Variants in ZNF385D observed in about 807,000 individuals in gnomAD.
The protein encoded by ZNF385D is zinc finger protein 659.
Under a neutral mutation model 35.8 loss-of-function variants are expected in ZNF385D, and 15 were observed. The observed-to-expected ratio is 0.42, with a 90% CI of 0.28 to 0.64. ZNF385D has a LOEUF of 0.64. ZNF385D is among the 30% of genes least tolerant of loss of function. The pLI is 0.23. For synonymous variants in ZNF385D, 212 were observed against 186.8 expected, an observed-to-expected ratio of 1.13 and a Z score of -1.10; for missense variants, 474 against 494.6, an observed-to-expected ratio of 0.96 and a Z score of 0.39.
intron 3 of ZNF385D, chr3:21,877,720 T>C (rs1575822501): frequency 1.3e-5 from 2 of 151,964 alleles, no homozygotes; most frequent in South Asian, 2.1e-4. Context: ...GCTGATAGAA[T>C]TGGGATTTGT....
intron 3 of ZNF385D, among the ~76,000 whole-genome samples, chr3:22,100,747 T>C (rs1228190818): frequency 6.6e-6 from 1 of 151,474 alleles, no homozygotes; most frequent in East Asian, 1.9e-4. Flanking sequence ...GACGAGTTAG[T>C]GGGTGTAGCG....
chr3:21,547,079 C>T (rs768746066), intron 3 of ZNF385D, among the ~76,000 whole-genome samples: 42 of 152,090 alleles, frequency 2.8e-4, no homozygotes, highest in African/African-American at 1.0e-3. Flanking sequence ...AACCCTGGGA[C>T]TCCTTTGAAA....
rs1700502740 is a variant in ZNF385D, at chr3:21,412,264, T to G, written c.*8950A>C. On this transcript the variant is annotated 3_prime_UTR_variant, in exon 8 of 8. Coordinates refer to ENST00000281523, the MANE Select transcript of ZNF385D (RefSeq NM_024697.3). ...ACTTTTTTTCTTTAATCAGCACATT[T>G]CTTTTGATAAATAGTCATGAGACGT... The G allele has an allele frequency of 6.6e-6, 1 of 152,080 alleles. No individual in the cohort carries two copies. The highest frequency in any genetic ancestry group is 1.5e-5 in the Non-Finnish European group (1 of 67,960). 9.4% of individuals were successfully genotyped at this position (152,080 alleles called of 1,614,324 possible).
intron 2 of ZNF385D, among the ~76,000 whole-genome samples, chr3:22,319,469 T>C (rs927996144): frequency 6.6e-6 from 1 of 152,026 alleles, no homozygotes; most frequent in Non-Finnish European, 1.5e-5. Context: ...AGAAAGAAAA[T>C]TCAGTACTGG....
intron 2 of ZNF385D, among the ~76,000 whole-genome samples, chr3:21,626,681 T>C (rs2065143368): frequency 6.6e-6 from 1 of 152,110 alleles, no homozygotes; most frequent in South Asian, 2.1e-4. Context: ...CTATCATCTT[T>C]GGTTGAGATG....
chr3:21,821,917 C>T (rs954842235), intron 3 of ZNF385D, among the ~76,000 whole-genome samples: 2 of 144,330 alleles, frequency 1.4e-5, no homozygotes, highest in Admixed American at 1.4e-4. Flanking sequence ...AGTGAGCCAT[C>T]ATCACGCCAC....
At chr3:22,304,955 C>G (rs1047947772) in intron 2 of ZNF385D, among the ~76,000 whole-genome samples, 22 of 151,936 alleles carry the variant, frequency 1.4e-4, no homozygotes, top group African/African-American at 4.6e-4. Flanking sequence ...GTGCTTAGTA[C>G]AGTATTATTT....
intron 1 of ZNF385D, among the ~76,000 whole-genome samples, chr3:21,719,910 ACTCT>A (rs1271357811): frequency 1.3e-5 from 2 of 152,024 alleles, no homozygotes; most frequent in African/African-American, 4.8e-5. Flanking sequence ...AATCAGGAGA[ACTCT>A]CTCTCTCATA....
chr3:21,981,839 T>A lies in ZNF385D; in HGVS notation c.325+186978A>T, dbSNP rs533947381. On this transcript the variant is annotated intron_variant, in intron 3 of 5. Coordinates refer to the ZNF385D transcript ENST00000494108. ...TAAGAAGTCTTTTCACCATTACTTG[T>A]TTTTGTCAGCTTTGTTGACGATCAG... Among the ~76,000 whole-genome samples, 3 of 152,312 alleles carry A rather than the reference T, an allele frequency of 2.0e-5. No individual in the cohort carries two copies. The East Asian group carries it at 5.8e-4, about 29-fold the overall frequency.
chr3:21,993,765 A>T (rs1240397386), intron 3 of ZNF385D, among the ~76,000 whole-genome samples: 2 of 152,214 alleles, frequency 1.3e-5, no homozygotes, highest in Non-Finnish European at 2.9e-5. Flanking sequence ...AGAGAAAAAA[A>T]ATTGCTTCCA....
intron 2 of ZNF385D, among the ~76,000 whole-genome samples, chr3:22,252,673 G>T (rs1286735364): frequency 6.6e-6 from 1 of 152,186 alleles, no homozygotes; most frequent in African/African-American, 2.4e-5. Flanking sequence ...AGAGAAGCTG[G>T]CTTTGGCTAC....
intron 1 of ZNF385D, among the ~76,000 whole-genome samples, chr3:21,720,413 G>C (rs1211097098): frequency 6.6e-6 from 1 of 152,080 alleles, no homozygotes; most frequent in Non-Finnish European, 1.5e-5. Context: ...TGTTATCCTG[G>C]TGTGGTGGTA....
chr3:22,367,228 T>C (rs550262479), intron 2 of ZNF385D, among the ~76,000 whole-genome samples: 1 of 152,284 alleles, frequency 6.6e-6, no homozygotes, highest in South Asian at 2.1e-4. Flanking sequence ...CTCTGAGATT[T>C]ATTTTCACTA....
intron 3 of ZNF385D, among the ~76,000 whole-genome samples, chr3:22,135,757 T>A (rs922784685): frequency 8.5e-5 from 13 of 152,176 alleles, no homozygotes; most frequent in African/African-American, 3.1e-4. Context: ...TAATTGGCCA[T>A]TGTAGTTTTG....
chr3:21,532,380 A>C lies in ZNF385D; in HGVS notation c.277-21357T>G, dbSNP rs551892599. Among the ~76,000 whole-genome samples, 286 of 152,322 alleles carry C rather than the reference A, an allele frequency of 1.9e-3. 1 individual carries two copies. The highest frequency in any genetic ancestry group is 6.7e-3 in the African/African-American group (280 of 41,580). ...CAGTGTGGGGGAGGGAAGGTACCTGAAAAGATGAATGTGGCCAGGAGAATA... is the reference window on the plus strand; with the variant it reads ...CAGTGTGGGGGAGGGAAGGTACCTGCAAAGATGAATGTGGCCAGGAGAATA... On this transcript the variant is annotated intron_variant, in intron 3 of 7. Transcript: ENST00000281523.
intron 3 of ZNF385D, among the ~76,000 whole-genome samples, chr3:21,812,328 G>T (rs542026020): frequency 8.0e-4 from 122 of 152,346 alleles, no homozygotes; most frequent in Non-Finnish European, 1.2e-3. Flanking sequence ...TGAGGTACCT[G>T]GTTCATCTCA....
chr3:21,781,899 G>T (rs963397779), intron 3 of ZNF385D, among the ~76,000 whole-genome samples: 1 of 152,004 alleles, frequency 6.6e-6, no homozygotes, highest in South Asian at 2.1e-4. Context: ...TTAAGTGAAA[G>T]CTCAAAGGGC....
intron 3 of ZNF385D, among the ~76,000 whole-genome samples, chr3:21,764,879 T>C (rs1217156454): frequency 1.3e-5 from 2 of 151,992 alleles, no homozygotes; most frequent in African/African-American, 4.8e-5. Flanking sequence ...CCCAAGCTTA[T>C]TTTTTTTCCA....
chr3:21,719,042 T>A (rs191055394), intron 1 of ZNF385D, among the ~76,000 whole-genome samples: 278 of 152,338 alleles, frequency 1.8e-3, no homozygotes, highest in Non-Finnish European at 3.5e-3. Flanking sequence ...ATTTTCCTTG[T>A]AGTAGCTATT....
Sources: allele counts gnomAD v4.1 joint callset (sites outside exome capture counted in the v4.1 genomes callset), GRCh38; gene constraint gnomAD v4.1.1; transcripts MANE v1.5; gene names NCBI Gene and HGNC (gene_info 2026-07-23, HGNC 2026-07-21).